Variants in POLA1 observed in about 807,000 individuals in gnomAD.
The protein encoded by POLA1 is DNA polymerase alpha 1, catalytic subunit, also known as DNA polymerase alpha catalytic subunit.
Under a neutral mutation model 124.0 loss-of-function variants are expected in POLA1, and 15 were observed. The ratio of observed to expected loss-of-function variants is 0.12; its 90% CI spans 0.08 to 0.19. The LOEUF is 0.19. Among genes scored for constraint, POLA1 ranks in the 10% least tolerant of loss-of-function variants. The probability of loss-of-function intolerance (pLI) is 1.00; values close to 1 mark genes in which losing one functional copy is unlikely to be tolerated. For synonymous variants in POLA1, 408 were observed against 389.4 expected, an observed-to-expected ratio of 1.05 and a Z score of -0.56; for missense variants, 886 against 1,103.4, an observed-to-expected ratio of 0.80 and a Z score of 2.79.
rs1012535058 is a variant in POLA1, at chrX:24,715,274, A to C, written c.525+71A>C. Reference sequence around the variant, plus strand: ...TGAAGAAACACTCTAGTAATTATACAAAACAGACTATTGCCAGAATTTTTT... The same window carrying C: ...TGAAGAAACACTCTAGTAATTATACCAAACAGACTATTGCCAGAATTTTTT... On this transcript the variant is annotated intron_variant, in intron 6 of 36. Transcript: ENST00000379068. 7.3e-6 allele frequency: 5 copies of C among 681,905 alleles called. No homozygotes were observed. The African/African-American group carries it at 1.1e-4, about 15-fold the overall frequency. 56.2% of individuals were successfully genotyped at this position (681,905 alleles called of 1,213,427 possible). A position where few individuals can be genotyped will look rare whatever the true frequency, so the allele number is the denominator to read the frequency against.
At chrX:24,791,974 A>ATTT (rs2045507826) in intron 26 of POLA1, among the ~76,000 whole-genome samples, 1 of 112,359 alleles carries the variant, frequency 8.9e-6, no homozygotes, top group South Asian at 3.7e-4. Flanking sequence ...TTTACTCAAA[A>ATTT]AAGTTGAATT....
intron 23 of POLA1, chrX:24,744,411 A>G (rs367577028): frequency 9.7e-6 from 3 of 310,392 alleles, no homozygotes; most frequent in East Asian, 9.1e-5. Flanking sequence ...AAACTATCCT[A>G]TATGTTTGCA....
At chrX:24,962,642 T>G (rs1412651351) in intron 36 of POLA1, among the ~76,000 whole-genome samples, 1 of 111,718 alleles carries the variant, frequency 9.0e-6, no homozygotes, top group Non-Finnish European at 1.9e-5. Context: ...AATAGCTTAC[T>G]TGGTAAATGG....
At chrX:24,742,819 G>C (rs57578414) in intron 22 of POLA1, among the ~76,000 whole-genome samples, 1 of 111,136 alleles carries the variant, frequency 9.0e-6, no homozygotes, top group South Asian at 3.8e-4. Context: ...TTAATAATAG[G>C]GATAATGATA....
At chrX:24,982,427 G>T (rs2048432226) in intron 36 of POLA1, among the ~76,000 whole-genome samples, 1 of 109,610 alleles carries the variant, frequency 9.1e-6, no homozygotes, top group African/African-American at 3.3e-5. Flanking sequence ...TGACTGACCA[G>T]CTCTCTAAAT....
At chrX:24,743,467 G>A (rs762800036) in intron 23 of POLA1, 138 bp downstream of exon 23, 6 of 340,035 alleles carry the variant, frequency 1.8e-5, no homozygotes, top group South Asian at 1.3e-4. Flanking sequence ...TTTCGTTCAC[G>A]TGAAAATCTT....
chrX:24,915,626 CT>C (rs1391715168), intron 35 of POLA1, among the ~76,000 whole-genome samples: 1 of 111,976 alleles, frequency 8.9e-6, no homozygotes, highest in Non-Finnish European at 1.9e-5. Context: ...ATAATGAGAA[CT>C]TGAGTTTTTA....
At chrX:24,774,907 T>C (rs10429752) in intron 26 of POLA1, among the ~76,000 whole-genome samples, 3,277 of 112,121 alleles carry the variant, frequency 0.029, 113 homozygotes, top group African/African-American at 0.098. Flanking sequence ...ACAAGGTTCT[T>C]TGAGATTCTT....
intron 36 of POLA1, among the ~76,000 whole-genome samples, chrX:24,984,746 G>A (rs1273044026): frequency 1.0e-5 from 1 of 99,136 alleles, no homozygotes; most frequent in Admixed American, 1.2e-4. Flanking sequence ...TGCAAGCTCC[G>A]CCTCCCGGGT....
At chrX:24,946,126 T>C (rs964070962) in intron 36 of POLA1, among the ~76,000 whole-genome samples, 1 of 110,992 alleles carries the variant, frequency 9.0e-6, no homozygotes, top group African/African-American at 3.3e-5. Flanking sequence ...TGGGGAGATA[T>C]TAAGGTGGAG....
At chrX:24,875,577 A>G (rs2046919384) in intron 34 of POLA1, among the ~76,000 whole-genome samples, 1 of 111,880 alleles carries the variant, frequency 8.9e-6, no homozygotes, top group African/African-American at 3.3e-5. Flanking sequence ...ATAATTTCGG[A>G]GGCATATTCG....
In POLA1 at chrX:24,796,514, G is replaced by A. The variant is rs771085029; in HGVS notation, c.2965-13384G>A. Among the ~76,000 whole-genome samples the A allele has an allele frequency of 3.6e-5, 4 of 110,300 alleles. No homozygotes were observed. In the South Asian group the frequency reaches 1.6e-3, roughly 44 times the overall value. ...AAAGGGAACAGAAGGTACTAGAGGA[G>A]GAATGAGGAATCAGGAGAACCATGG... On this transcript the variant is annotated intron_variant, in intron 26 of 36. Transcript: ENST00000379068.
chrX:24,827,103 A>G (rs2046185099), intron 32 of POLA1, among the ~76,000 whole-genome samples: 1 of 111,711 alleles, frequency 9.0e-6, no homozygotes, highest in Non-Finnish European at 1.9e-5. Flanking sequence ...CTAAAAATGG[A>G]CCCACTGTTA....
intron 34 of POLA1, among the ~76,000 whole-genome samples, chrX:24,855,189 T>C (rs1412910163): frequency 8.9e-6 from 1 of 111,739 alleles, no homozygotes; most frequent in Non-Finnish European, 1.9e-5. Flanking sequence ...TATGGGTGTT[T>C]TAATTTGTGT....
At chrX:24,946,365 T>C (rs755053719) in intron 36 of POLA1, among the ~76,000 whole-genome samples, 1 of 111,784 alleles carries the variant, frequency 8.9e-6, no homozygotes, top group East Asian at 2.8e-4. Context: ...CTTGGGGTGC[T>C]CATCTCTTGG....
intron 35 of POLA1, among the ~76,000 whole-genome samples, chrX:24,911,462 T>C (rs2047447867): frequency 9.0e-6 from 1 of 110,610 alleles, no homozygotes; most frequent in Admixed American, 9.7e-5. Flanking sequence ...GGTAAAGCAA[T>C]GCTTAGAGGA....
rs1930158626 is a variant in POLA1, at chrX:24,720,855, G to A, written c.1088-2300G>A. Among the ~76,000 whole-genome samples, 3 of 112,340 alleles carry A rather than the reference G, an allele frequency of 2.7e-5. No individual in the cohort carries two copies. In the Admixed American group the frequency reaches 2.8e-4, roughly 11 times the overall value. On this transcript the variant is annotated intron_variant, in intron 10 of 36. Coordinates refer to ENST00000379068, the MANE Select transcript of POLA1 (RefSeq NM_001330360.2). ...TCTTTACATTTAAATTAATTAAAATGCAATACAAATTAAAATTTATTTTCT... is the reference window on the plus strand; with the variant it reads ...TCTTTACATTTAAATTAATTAAAATACAATACAAATTAAAATTTATTTTCT...
intron 31 of POLA1, among the ~76,000 whole-genome samples, chrX:24,822,798 G>C (rs2046110932): frequency 9.0e-6 from 1 of 111,608 alleles, no homozygotes; most frequent in Non-Finnish European, 1.9e-5. Context: ...AAATAGGCTA[G>C]GTTTTTTTTT....
intron 34 of POLA1, among the ~76,000 whole-genome samples, chrX:24,853,294 A>G (rs1466314381): frequency 1.8e-5 from 2 of 112,219 alleles, no homozygotes; most frequent in Non-Finnish European, 3.8e-5. Context: ...TTATGTGGAT[A>G]TTCTTTTTTT....
Sources: allele counts gnomAD v4.1 joint callset (sites outside exome capture counted in the v4.1 genomes callset), GRCh38; gene constraint gnomAD v4.1.1; transcripts MANE v1.5; gene names NCBI Gene and HGNC (gene_info 2026-07-23, HGNC 2026-07-21).